GPHN: variants seen among roughly 807,000 people sequenced by gnomAD.
GPHN encodes the protein gephyrin.
In GPHN, 17 loss-of-function variants were observed where a neutral mutation model predicts 95.5. The observed-to-expected ratio is 0.18, with a 90% confidence interval of 0.12 to 0.27. GPHN has a LOEUF of 0.27. Ranked by LOEUF, GPHN falls within the 10% of genes least tolerant of loss-of-function variation. GPHN has a pLI of 1.00. For synonymous variants in GPHN, 320 were observed against 322.5 expected (o/e 0.99, Z 0.08); for missense variants, 660 against 978.1 (o/e 0.67, Z 4.34).
the GPHN span, chr14:67,725,292 G>A: frequency 6.2e-7 from 1 of 1,608,430 alleles, no homozygotes; most frequent in Non-Finnish European, 8.5e-7. Flanking sequence ...GCAGGAAATT[G>A]GGTATGGGAG....
chr14:67,605,770 C>T, the GPHN span, among the ~76,000 whole-genome samples: 542 of 152,128 alleles, frequency 3.6e-3, 4 homozygotes, highest in African/African-American at 0.013. Context: ...GCAACCTCTG[C>T]CTCCTGGGAT....
the GPHN span, among the ~76,000 whole-genome samples, chr14:67,382,160 T>A: frequency 6.6e-6 from 1 of 152,018 alleles, no homozygotes; most frequent in Admixed American, 6.5e-5. Context: ...GCAGTTAGTT[T>A]AGCCACCAAA....
intron 1 of GPHN, among the ~76,000 whole-genome samples, chr14:66,539,409 C>CTTTTTTTTTTTTTT (rs1000117893): frequency 9.8e-6 from 1 of 101,844 alleles, no homozygotes; most frequent in African/African-American, 4.3e-5. Context: ...TTTCTACTTT[C>CTTTTTTTTTTTTTT]TTTTTTTTTT....
chr14:67,496,407 T>TTTTTG, the GPHN span, among the ~76,000 whole-genome samples: 1 of 131,544 alleles, frequency 7.6e-6, no homozygotes, highest in Admixed American at 8.0e-5. Flanking sequence ...TTTTTTTTTT[T>TTTTTG]TTTTTTTTTT....
the GPHN span, among the ~76,000 whole-genome samples, chr14:67,461,799 G>A: frequency 6.6e-6 from 1 of 152,262 alleles, no homozygotes; most frequent in African/African-American, 2.4e-5. Flanking sequence ...GATCCTGGGA[G>A]AACAGATTGA....
chr14:66,841,016 GA>G, intron 4 of GPHN, among the ~76,000 whole-genome samples: 1 of 145,714 alleles, frequency 6.9e-6, no homozygotes, highest in East Asian at 2.0e-4. Context: ...TATAGATATA[GA>G]TATAGATATA....
rs563304904 is a variant in GPHN at position 67,157,677 on chromosome 14, C to T, written c.1837-1738C>T. The stretch of plus-strand genomic sequence containing the variant: ...TCTCTCTCCTAAAAATACAAAAATT[C>T]GCCGGGCATGGTGGCATGCACCTGT... On this transcript the variant is annotated intron_variant, in intron 18 of 22. Transcript: ENST00000478722. 3.8e-3 allele frequency among the ~76,000 whole-genome samples: 581 copies of T among 151,710 alleles called. 6 individuals carry two copies. Among genetic ancestry groups the T allele is most frequent in the African/African-American group, 0.013 (555 of 41,356 alleles).
rs1432135596 is a variant in GPHN at position 67,144,240 on chromosome 14, AAAAAAAAAAAATATATATAT to A, written c.1836+793_1836+812del. Among the ~76,000 whole-genome samples the A allele has an allele frequency of 1.1e-3, 62 of 54,524 alleles. 15 individuals are homozygous for A. The highest frequency in any genetic ancestry group is 7.5e-3 in the African/African-American group (58 of 7,708). 35.8% of individuals were successfully genotyped at this position (54,524 alleles called of 152,430 possible). A position where few individuals can be genotyped will look rare whatever the true frequency, so the allele number is the denominator to read the frequency against. ...CAACACAGCAAGACCCTGTCTTAAAAAAAAAAAAAAATATATATATATATATATATATATATATATATATA... is the reference window on the plus strand; with the variant it reads ...CAACACAGCAAGACCCTGTCTTAAAAATATATATATATATATATATATATA... On this transcript the variant is annotated intron_variant, in intron 18 of 22. Coordinates refer to ENST00000478722, the MANE Select transcript of GPHN (RefSeq NM_020806.5).
At chr14:67,466,918 C>G in the GPHN span, among the ~76,000 whole-genome samples, 2 of 150,512 alleles carry the variant, frequency 1.3e-5, no homozygotes, top group Non-Finnish European at 3.0e-5. Context: ...TCACCTGAAC[C>G]CGGGAGGTGG....
the GPHN span, among the ~76,000 whole-genome samples, chr14:67,329,116 A>G: frequency 6.6e-6 from 1 of 152,264 alleles, no homozygotes; most frequent in South Asian, 2.1e-4. Flanking sequence ...ATGAGCATGG[A>G]ATGTTCTTCC....
At chr14:66,948,831 G>T (rs1257306812) in intron 8 of GPHN, among the ~76,000 whole-genome samples, 1 of 152,150 alleles carries the variant, frequency 6.6e-6, no homozygotes, top group Non-Finnish European at 1.5e-5. Context: ...TTTAGATGGG[G>T]TCTCACTCTA....
chr14:66,586,825 A>G (rs896385117), intron 1 of GPHN, among the ~76,000 whole-genome samples: 9 of 152,118 alleles, frequency 5.9e-5, no homozygotes, highest in South Asian at 4.1e-4. Flanking sequence ...AAAACAGTCT[A>G]ATGCTGAACC....
At chr14:67,555,335 C>T in the GPHN span, among the ~76,000 whole-genome samples, 10 of 152,284 alleles carry the variant, frequency 6.6e-5, no homozygotes, top group South Asian at 4.1e-4. Flanking sequence ...GAGGTGCCCT[C>T]GACTGTGGGT....
the GPHN span, chr14:67,395,635 G>A: frequency 1.7e-5 from 27 of 1,548,322 alleles, no homozygotes; most frequent in Admixed American, 2.3e-4. Flanking sequence ...GCAAGAGGAC[G>A]CCGGGCAGCA....
chr14:66,912,278 C>CT (rs1440138071), intron 5 of GPHN, among the ~76,000 whole-genome samples: 2 of 152,010 alleles, frequency 1.3e-5, no homozygotes, highest in African/African-American at 4.8e-5. Context: ...GTTCTTCCTT[C>CT]TCTCTTTACC....
the GPHN span, among the ~76,000 whole-genome samples, chr14:67,568,696 G>A: frequency 3.3e-5 from 5 of 152,262 alleles, no homozygotes; most frequent in South Asian, 4.1e-4. Flanking sequence ...AGCCCTTGTC[G>A]TGTGGCCGCA....
chr14:67,531,430 T>C, the GPHN span, among the ~76,000 whole-genome samples: 1 of 151,898 alleles, frequency 6.6e-6, no homozygotes, highest in Non-Finnish European at 1.5e-5. Context: ...TGCCAAGGGG[T>C]CCTGCTCAGA....
At chr14:66,644,437 C>T (rs1227428313) in intron 1 of GPHN, among the ~76,000 whole-genome samples, 1 of 151,986 alleles carries the variant, frequency 6.6e-6, no homozygotes, top group African/African-American at 2.4e-5. Context: ...CTATGCCACC[C>T]ACTACCAAAG....
At chr14:67,560,771 C>T in the GPHN span, among the ~76,000 whole-genome samples, 1 of 123,352 alleles carries the variant, frequency 8.1e-6, no homozygotes, top group Non-Finnish European at 1.6e-5. Flanking sequence ...GCTCTTGTTT[C>T]CCAGGCTGGA....
Sources: gnomAD v4.1 joint callset for allele counts (sites outside exome capture counted in the v4.1 genomes callset) on GRCh38, gnomAD v4.1.1 for gene constraint, MANE v1.5 for transcripts, NCBI Gene and HGNC (gene_info 2026-07-23, HGNC 2026-07-21) for gene names.